The following PI4KA variants were observed in gnomAD, a reference collection of about 807,000 sequenced individuals.
PI4KA encodes PI4-kinase alpha.
PI4KA carries 122 observed loss-of-function variants against 271.4 expected under a neutral mutation model. The observed-to-expected ratio is 0.45, with a 90% CI of 0.39 to 0.52. The LOEUF is 0.52. PI4KA is among the 20% of genes least tolerant of loss of function. The pLI is 0.00. For synonymous variants in PI4KA, 1,041 were observed against 1,078.8 expected (o/e 0.96, Z 0.69); for missense variants, 1,969 against 2,769.1 (o/e 0.71, Z 6.48).
At chr22:20,739,465 T>A (rs2147274414) in intron 32 of PI4KA, among the ~76,000 whole-genome samples, 1 of 145,960 alleles carries the variant, frequency 6.9e-6, no homozygotes, top group East Asian at 2.0e-4. Context: ...AAGACTGTCT[T>A]CAGGAAAAAA....
chr22:20,805,077 A>G lies in PI4KA; in HGVS notation c.1257T>C (p.His419=), dbSNP rs568346585. ...GCTCATTGTGGATCCGGTCTGCGTC[A>G]TGTAGAATCTTCTGGAGCTCCCCCT... ...TSQGELQKIL[H]DADRIHNELS... The change falls in exon 11 of 55, where the codon CAT becomes CAC. Residue 419 remains histidine (H), a synonymous_variant. Coordinates refer to ENST00000255882, the MANE Select transcript of PI4KA (RefSeq NM_058004.4). 2 of 1,614,116 alleles carry G rather than the reference A, an allele frequency of 1.2e-6. No homozygotes were observed. Among genetic ancestry groups the G allele is most frequent in the East Asian group, 2.2e-5 (1 of 44,884 alleles).
At chr22:20,781,839 A>G (rs2147493749) in intron 19 of PI4KA, among the ~76,000 whole-genome samples, 1 of 152,356 alleles carries the variant, frequency 6.6e-6, no homozygotes, top group Non-Finnish European at 1.5e-5. Flanking sequence ...GTGTGACCTC[A>G]GACAAGTCAT....
chr22:20,790,448 A>T (rs1934555451), intron 19 of PI4KA, among the ~76,000 whole-genome samples: 2 of 151,980 alleles, frequency 1.3e-5, no homozygotes, highest in African/African-American at 4.8e-5. Flanking sequence ...ATCACTTGAA[A>T]CCAGGAGTTT....
intron 32 of PI4KA, chr22:20,734,788 C>A: frequency 1.5e-6 from 1 of 649,302 alleles, no homozygotes; most frequent in Non-Finnish European, 2.6e-6. Context: ...ACCCGGTTCA[C>A]CGTGTGGACA....
At chr22:20,808,746 A>C (rs1935826976) in intron 9 of PI4KA, among the ~76,000 whole-genome samples, 1 of 151,350 alleles carries the variant, frequency 6.6e-6, no homozygotes, top group South Asian at 2.1e-4. Context: ...TGGTATGATC[A>C]CAGCTCACTG....
chr22:20,780,706 G>T (rs544115149), intron 19 of PI4KA, among the ~76,000 whole-genome samples: 1 of 149,156 alleles, frequency 6.7e-6, no homozygotes, highest in Non-Finnish European at 1.5e-5. Flanking sequence ...AACCTGGAAG[G>T]CAGAGATTGC....
chr22:20,713,165 A>G (rs2540532), intron 48 of PI4KA, 116 bp downstream of exon 48: 276 of 839,498 alleles, frequency 3.3e-4, no homozygotes, highest in Admixed American at 7.0e-4. Context: ...CCTGAACCAT[A>G]TAAGAGAAGG....
rs747569919 is a variant in PI4KA, at chr22:20,708,018, T to C, written c.*29A>G. 4.4e-6 allele frequency: 7 copies of C among 1,579,444 alleles called. No individual in the cohort carries two copies. The highest frequency in any genetic ancestry group is 5.2e-6 in the Non-Finnish European group (6 of 1,148,946). On this transcript the variant is annotated 3_prime_UTR_variant, in exon 55 of 55. Coordinates refer to ENST00000255882, the MANE Select transcript of PI4KA (RefSeq NM_058004.4). ...ATTGTGGGACAGCTTTGAGGGCACA[T>C]GGGGCAGAGGCCCTCGAAGGTCCCC...
intron 32 of PI4KA, among the ~76,000 whole-genome samples, chr22:20,741,424 C>T (rs1333207758): frequency 6.6e-6 from 1 of 152,148 alleles, no homozygotes; most frequent in Admixed American, 6.5e-5. Context: ...GCTGAGAACC[C>T]AGCACTCCCC....
At chr22:20,750,601 C>T (rs1338660149) in intron 27 of PI4KA, among the ~76,000 whole-genome samples, 2 of 152,264 alleles carry the variant, frequency 1.3e-5, no homozygotes, top group Non-Finnish European at 2.9e-5. Context: ...CACAGGGACA[C>T]TGTGCAACTT....
At position 20,822,527 on chromosome 22, in the gene PI4KA, T is replaced by C. The variant is rs146633794; in HGVS notation, c.456+1799A>G. ...TTCCCAGCTTTGTGCCTTCTCCAAA[T>C]GAAATCAACTTGCTTTCCAGATCTT... is the stretch of plus-strand genomic sequence containing the variant. On this transcript the variant is annotated intron_variant, in intron 4 of 54. Transcript: ENST00000255882. Among the ~76,000 whole-genome samples the C allele has an allele frequency of 7.9e-5, 12 of 152,340 alleles. No individual in the cohort carries two copies. In the East Asian group the frequency reaches 2.1e-3, roughly 27 times the overall value.
At position 20,807,343 on chromosome 22, in the gene PI4KA, A is replaced by G. The variant is rs778673779; in HGVS notation, c.1168+19T>C. ...CCAGTCTTGCTGTACTCACAAACACATGGGCAAACTGTCCTCACCCTTCAT... is the reference window on the plus strand; with the variant it reads ...CCAGTCTTGCTGTACTCACAAACACGTGGGCAAACTGTCCTCACCCTTCAT... On this transcript the variant is annotated intron_variant, in intron 10 of 54. Transcript: ENST00000255882. 2.3e-5 allele frequency: 35 copies of G among 1,515,724 alleles called. No individual in the cohort carries two copies. In the East Asian group the frequency reaches 7.2e-4, roughly 31 times the overall value. The allele number at this position is 1,515,724 out of a possible 1,614,324, so 93.9% of individuals were successfully genotyped here. A position where few individuals can be genotyped will look rare whatever the true frequency, so the allele number is the denominator to read the frequency against.
chr22:20,822,351 G>A (rs1328897592), intron 4 of PI4KA, among the ~76,000 whole-genome samples: 4 of 150,944 alleles, frequency 2.6e-5, no homozygotes, highest in Admixed American at 2.0e-4. Flanking sequence ...ATGACAATAA[G>A]CTTATAGATG....
At chr22:20,730,364 T>A (rs1927875575) in intron 36 of PI4KA, among the ~76,000 whole-genome samples, 1 of 152,164 alleles carries the variant, frequency 6.6e-6, no homozygotes, top group South Asian at 2.1e-4. Flanking sequence ...AACCTCCGCC[T>A]CCTGGGTTCA....
intron 29 of PI4KA, among the ~76,000 whole-genome samples, chr22:20,745,059 G>A (rs899874480): frequency 2.6e-5 from 4 of 152,164 alleles, no homozygotes; most frequent in Non-Finnish European, 5.9e-5. Context: ...TGAGAGTTGC[G>A]TGTGCAGCTT....
At chr22:20,804,679 AC>A (rs1347450018) in intron 11 of PI4KA, among the ~76,000 whole-genome samples, 1 of 152,150 alleles carries the variant, frequency 6.6e-6, no homozygotes, top group Non-Finnish European at 1.5e-5. Flanking sequence ...CTTCCATGTC[AC>A]CACAGAAAAG....
intron 5 of PI4KA, 34 bp downstream of exon 5, chr22:20,820,505 A>C: frequency 7.1e-7 from 1 of 1,409,176 alleles, no homozygotes; most frequent in Non-Finnish European, 9.9e-7. Flanking sequence ...TAACCACAAA[A>C]CCATTTTAAG....
intron 1 of PI4KA, among the ~76,000 whole-genome samples, chr22:20,851,001 T>C (rs2147819857): frequency 6.6e-6 from 1 of 152,244 alleles, no homozygotes; most frequent in South Asian, 2.1e-4. Flanking sequence ...GTTATGATCA[T>C]GCCACTGCAC....
intron 8 of PI4KA, 61 bp from the exon 9 acceptor site, chr22:20,811,093 C>A: frequency 7.9e-7 from 1 of 1,263,084 alleles, no homozygotes; most frequent in South Asian, 1.2e-5. Flanking sequence ...AATGCTAGCT[C>A]CTTCTACCGA....
Sources: gnomAD v4.1 joint callset for allele counts (sites outside exome capture counted in the v4.1 genomes callset) on GRCh38, gnomAD v4.1.1 for gene constraint, MANE v1.5 for transcripts, NCBI Gene and HGNC (gene_info 2026-07-23, HGNC 2026-07-21) for gene names.